DAG1: variants seen among roughly 807,000 people sequenced by gnomAD.
DAG1 encodes dystroglycan 1 (dystrophin-associated glycoprotein 1).
A neutral mutation model predicts 46.1 loss-of-function variants in DAG1; 8 were observed. The observed-to-expected ratio is 0.17, with a 90% confidence interval of 0.10 to 0.31. The LOEUF (loss-of-function observed/expected upper bound fraction) is 0.31. Among genes scored for constraint, DAG1 ranks in the 10% least tolerant of loss-of-function variants. The pLI, the probability that DAG1 is intolerant of heterozygous loss-of-function variation, is 1.00. For missense variants in DAG1, 1,003 were observed against 1,189.9 expected (o/e 0.84, Z 2.31); for synonymous variants, 495 against 481.8 (o/e 1.03, Z -0.36).
chr3:49,526,152 A>G (rs1320548300), intron 2 of DAG1, among the ~76,000 whole-genome samples: 5 of 152,204 alleles, frequency 3.3e-5, no homozygotes, highest in Non-Finnish European at 7.3e-5. Context: ...CTCCCGGCCT[A>G]CACACTTTTA....
intron 1 of DAG1, among the ~76,000 whole-genome samples, chr3:49,478,384 C>A (rs187258957): frequency 1.8e-4 from 23 of 130,144 alleles, no homozygotes; most frequent in Non-Finnish European, 2.8e-4. Flanking sequence ...TACTTGAAGC[C>A]AGGAGTTTGA....
intron 1 of DAG1, among the ~76,000 whole-genome samples, chr3:49,500,310 G>A (rs2050413505): frequency 6.6e-6 from 1 of 152,094 alleles, no homozygotes; most frequent in African/African-American, 2.4e-5. Context: ...GCACCTACCT[G>A]GCCTGACATT....
intron 1 of DAG1, among the ~76,000 whole-genome samples, chr3:49,479,628 CTTTTTTT>C (rs71080522): frequency 4.2e-5 from 2 of 47,188 alleles, no homozygotes; most frequent in African/African-American, 1.9e-4. Context: ...TATAACATTT[CTTTTTTT>C]TTTTTTTTTT....
chr3:49,519,495 T>C (rs1244112199), intron 2 of DAG1, among the ~76,000 whole-genome samples: 2 of 152,164 alleles, frequency 1.3e-5, no homozygotes, highest in South Asian at 2.1e-4. Context: ...GGGGAGTTCA[T>C]GAAAGGAGCA....
At chr3:49,490,793 C>T (rs1320187437) in intron 1 of DAG1, among the ~76,000 whole-genome samples, 1 of 151,262 alleles carries the variant, frequency 6.6e-6, no homozygotes, top group Admixed American at 6.6e-5. Context: ...TGGTCTCAAA[C>T]TCATCAGTGC....
Position 49,532,115 on chromosome 3 carries a change from A to C in DAG1, c.1604A>C (p.Lys535Thr). 6.2e-7 allele frequency: 1 copy of C among 1,614,250 alleles called. No homozygotes were observed. The highest frequency in any genetic ancestry group is 1.3e-5 in the African/African-American group (1 of 75,072). The change falls in exon 3 of 3, where the codon AAG becomes ACG. Residue 535 changes from lysine to threonine, a missense_variant. Transcript: ENST00000308775. The surrounding 1 kb of genome is among the most constrained non-coding windows in gnomAD (Gnocchi z 5.4). The stretch of plus-strand genomic sequence containing the variant: ...GAGGACACCACCACTGACAAGCTGA[A>C]GCTGACCCTGAAACTGCGGGAGCAG... ...DHEDTTTDKL[K>T]LTLKLREQQL... is the part of the protein sequence containing the mutation.
In DAG1 at chr3:49,529,254, A is replaced by G. The variant is rs1385548557; in HGVS notation, c.286-1543A>G. ...CACTGTGTTGGCCAGGGTGGTCTCT[A>G]ATGCCTGCTGGCCTCAAGCAATCCT... is the stretch of plus-strand genomic sequence containing the variant. On this transcript the variant is annotated intron_variant, in intron 2 of 2. Transcript: ENST00000308775. Among the ~76,000 whole-genome samples, 5 of 152,036 alleles carry G rather than the reference A, an allele frequency of 3.3e-5. No individual in the cohort carries two copies. In the East Asian group the frequency reaches 9.6e-4, roughly 29 times the overall value.
intron 2 of DAG1, among the ~76,000 whole-genome samples, chr3:49,523,432 G>T (rs2051091303): frequency 6.6e-6 from 1 of 152,134 alleles, no homozygotes; most frequent in South Asian, 2.1e-4. Flanking sequence ...GTTCTCACCT[G>T]CAGCAGGTCC....
intron 1 of DAG1, among the ~76,000 whole-genome samples, chr3:49,479,163 G>T (rs1325749335): frequency 1.3e-5 from 2 of 151,852 alleles, no homozygotes; most frequent in Non-Finnish European, 2.9e-5. Context: ...AGTTCAAAAG[G>T]GTTATACAAA....
At chr3:49,486,892 G>A (rs2050049242) in intron 1 of DAG1, among the ~76,000 whole-genome samples, 1 of 151,914 alleles carries the variant, frequency 6.6e-6, no homozygotes, top group Admixed American at 6.6e-5. Context: ...TGTTTGTTTT[G>A]TTTTGCTTTG....
intron 1 of DAG1, among the ~76,000 whole-genome samples, chr3:49,476,584 C>A (rs2106871671): frequency 6.6e-6 from 1 of 152,246 alleles, no homozygotes; most frequent in East Asian, 1.9e-4. Context: ...CTCAGTTATA[C>A]CTTTTTGAGC....
intron 1 of DAG1, among the ~76,000 whole-genome samples, chr3:49,477,586 A>G (rs1484870927): frequency 3.3e-5 from 5 of 152,196 alleles, no homozygotes; most frequent in African/African-American, 7.2e-5. Flanking sequence ...GAGCCTCCGC[A>G]CCTGACTTAG....
chr3:49,500,896 T>C lies in DAG1; in HGVS notation c.-116-9523T>C, dbSNP rs560916554. Among the ~76,000 whole-genome samples, 12 of 152,154 alleles carry C rather than the reference T, an allele frequency of 7.9e-5. No homozygotes were observed. In the South Asian group the frequency reaches 2.5e-3, roughly 32 times the overall value. On this transcript the variant is annotated intron_variant, in intron 1 of 2. Transcript: ENST00000308775. ...TAGCGTCTCTATCTGAATGACTGAG[T>C]GTATGAGTATGAGACTGTGTAAAAA... is the stretch of plus-strand genomic sequence containing the variant.
At chr3:49,498,387 A>G (rs1474934525) in intron 1 of DAG1, among the ~76,000 whole-genome samples, 1 of 152,182 alleles carries the variant, frequency 6.6e-6, no homozygotes, top group Non-Finnish European at 1.5e-5. Flanking sequence ...AACTAGAAGC[A>G]GAGACATTTG....
chr3:49,532,184 G>T lies in DAG1; in HGVS notation c.1673G>T (p.Ser558Ile), dbSNP rs746984955. ...EKSWVQFNSNSQLMYGLPDSS... is the reference protein window; with the variant it reads ...EKSWVQFNSNIQLMYGLPDSS... ...TCCTGGGTACAGTTCAACAGCAACAGCCAGCTCATGTATGGCCTTCCCGAC... is the reference window on the plus strand; with the variant it reads ...TCCTGGGTACAGTTCAACAGCAACATCCAGCTCATGTATGGCCTTCCCGAC... Residue 558 changes from serine to isoleucine, a missense_variant, in exon 3 of 3, where the codon AGC becomes ATC. By Grantham distance (142) the Ser-to-Ile change is moderately radical. Around this residue, in one of 3 missense-constraint regions of DAG1, gnomAD observed 755 missense variants for 854.1 expected, o/e 0.88. Coordinates refer to ENST00000308775, the MANE Select transcript of DAG1 (RefSeq NM_004393.6). The surrounding 1 kb of genome is among the most constrained non-coding windows in gnomAD (Gnocchi z 5.4). The T allele has an allele frequency of 1.2e-6, 2 of 1,614,108 alleles. No homozygotes were observed. Among genetic ancestry groups the T allele is most frequent in the Admixed American group, 3.3e-5 (2 of 60,006 alleles).
rs201202889 is a variant in DAG1 at position 49,478,802 on chromosome 3, C to CTTTTTTTTTTTTT, written c.-117+8385_-117+8397dup. On this transcript the variant is annotated intron_variant, in intron 1 of 2. Transcript: ENST00000308775. ...TGAAAAGTCTCTTGTCGTCCCCTCC[C>CTTTTTTTTTTTTT]TTTTTTTTTTTTTTTTTTTTTTTTT... Among the ~76,000 whole-genome samples the CTTTTTTTTTTTTT allele has an allele frequency of 1.2e-3, 88 of 76,000 alleles. 3 individuals carry two copies. Among genetic ancestry groups the CTTTTTTTTTTTTT allele is most frequent in the Non-Finnish European group, 1.5e-3 (60 of 41,346 alleles). The allele number at this position is 76,000 out of a possible 152,430, so 49.9% of individuals were successfully genotyped here.
chr3:49,502,640 T>C (rs924985081), intron 1 of DAG1, among the ~76,000 whole-genome samples: 1 of 13,872 alleles, frequency 7.2e-5, no homozygotes, highest in African/African-American at 1.8e-4. Flanking sequence ...TTAACTTTCT[T>C]TTTTTTTTTT....
chr3:49,521,698 A>T (rs1395712180), intron 2 of DAG1, among the ~76,000 whole-genome samples: 1 of 152,116 alleles, frequency 6.6e-6, no homozygotes, highest in East Asian at 1.9e-4. Context: ...ATCTTTATCA[A>T]AGTCAGTGTT....
rs1312709938 is a variant in DAG1 at position 49,533,480 on chromosome 3, A to C, written c.*281A>C. The C allele has an allele frequency of 3.2e-6, 2 of 617,838 alleles. No individual in the cohort carries two copies. Among genetic ancestry groups the C allele is most frequent in the African/African-American group, 1.8e-5 (1 of 55,364 alleles). The allele number at this position is 617,838 out of a possible 1,614,324, so 38.3% of individuals were successfully genotyped here. A position where few individuals can be genotyped will look rare whatever the true frequency, so the allele number is the denominator to read the frequency against. ...GCTTCATTTTTGATGGCTGGCTCTGAAAGCACCATGTGGAGTGGAGGTGGA... is the reference window on the plus strand; with the variant it reads ...GCTTCATTTTTGATGGCTGGCTCTGCAAGCACCATGTGGAGTGGAGGTGGA... On this transcript the variant is annotated 3_prime_UTR_variant, in exon 3 of 3. Transcript: ENST00000308775.
Sources: allele counts gnomAD v4.1 joint callset (sites outside exome capture counted in the v4.1 genomes callset), GRCh38; gene constraint gnomAD v4.1.1; regional missense constraint gnomAD v4.1.1; non-coding constraint Gnocchi (gnomAD v3.1); transcripts MANE v1.5; gene names NCBI Gene and HGNC (gene_info 2026-07-23, HGNC 2026-07-21).